The following XKR4 variants were observed in gnomAD, a reference collection of about 807,000 sequenced individuals.
XKR4 encodes XK-related protein 4.
Under a neutral mutation model 53.9 loss-of-function variants are expected in XKR4, and 12 were observed. The ratio of observed to expected loss-of-function variants is 0.22; its 90% CI spans 0.14 to 0.36. The LOEUF is 0.36. Ranked by LOEUF, XKR4 falls within the 10% of genes least tolerant of loss-of-function variation. The pLI is 1.00. For missense variants in XKR4, 799 were observed against 859.5 expected (o/e 0.93, Z 0.88); for synonymous variants, 354 against 362.4 (o/e 0.98, Z 0.26).
chr8:55,315,561 AG>A (rs1296232071), intron 1 of XKR4, among the ~76,000 whole-genome samples: 17 of 152,268 alleles, frequency 1.1e-4, no homozygotes, highest in African/African-American at 4.1e-4. Flanking sequence ...TGGGATGGTG[AG>A]GGAGAAGGAT....
At chr8:55,177,753 G>C (rs1817253882) in intron 1 of XKR4, among the ~76,000 whole-genome samples, 1 of 152,164 alleles carries the variant, frequency 6.6e-6, no homozygotes, top group African/African-American at 2.4e-5. Flanking sequence ...TGATTTTATA[G>C]CATGGCTATT....
intron 2 of XKR4, chr8:55,452,120 G>T: frequency 1.4e-6 from 1 of 691,554 alleles, no homozygotes. Flanking sequence ...AGGAGAAGGT[G>T]GCCCTGACAT....
At chr8:55,491,746 T>C (rs1219799098) in intron 2 of XKR4, among the ~76,000 whole-genome samples, 1 of 152,104 alleles carries the variant, frequency 6.6e-6, no homozygotes, top group Non-Finnish European at 1.5e-5. Flanking sequence ...TCCTCCCACC[T>C]CAGCCTCTTG....
chr8:55,495,438 C>T (rs1806328531), intron 2 of XKR4, among the ~76,000 whole-genome samples: 1 of 152,224 alleles, frequency 6.6e-6, no homozygotes, highest in South Asian at 2.1e-4. Context: ...GCATGAACCC[C>T]CAGCTGTGCT....
intron 1 of XKR4, among the ~76,000 whole-genome samples, chr8:55,340,998 G>GT (rs1803536558): frequency 6.6e-6 from 1 of 152,124 alleles, no homozygotes; most frequent in Non-Finnish European, 1.5e-5. Flanking sequence ...GAACCATTCT[G>GT]GGGTGTTTGA....
At chr8:55,475,768 A>C (rs1805974440) in intron 2 of XKR4, among the ~76,000 whole-genome samples, 1 of 151,488 alleles carries the variant, frequency 6.6e-6, no homozygotes, top group African/African-American at 2.4e-5. Context: ...ACGCCCAGCT[A>C]ATTTTTGTAT....
chr8:55,160,841 C>T (rs950665980), intron 1 of XKR4, among the ~76,000 whole-genome samples: 3 of 152,090 alleles, frequency 2.0e-5, no homozygotes, highest in African/African-American at 7.2e-5. Flanking sequence ...TCTGGTATAA[C>T]TGGAATTCAT....
At chr8:55,345,973 T>A (rs150506753) in intron 1 of XKR4, among the ~76,000 whole-genome samples, 243 of 151,968 alleles carry the variant, frequency 1.6e-3, no homozygotes, top group African/African-American at 5.6e-3. Context: ...ATATCTAGAG[T>A]AGTCAAATCC....
intron 2 of XKR4, among the ~76,000 whole-genome samples, chr8:55,474,977 G>A (rs1054577316): frequency 6.6e-5 from 10 of 152,096 alleles, no homozygotes; most frequent in African/African-American, 2.2e-4. Flanking sequence ...AAAGTCATTC[G>A]CTCTGTCTTC....
chr8:55,272,954 A>C (rs937814616), intron 1 of XKR4: 2 of 446,272 alleles, frequency 4.5e-6, no homozygotes, highest in Non-Finnish European at 8.9e-6. Context: ...CACTGCCTAC[A>C]TTGGAACAAT....
chr8:55,106,589 G>A (rs1334699792), intron 1 of XKR4, among the ~76,000 whole-genome samples: 1 of 152,098 alleles, frequency 6.6e-6, no homozygotes, highest in Non-Finnish European at 1.5e-5. Flanking sequence ...AATTCCCTAA[G>A]AGAACAGTTT....
intron 1 of XKR4, among the ~76,000 whole-genome samples, chr8:55,229,818 T>C (rs1818006683): frequency 6.6e-6 from 1 of 152,166 alleles, no homozygotes; most frequent in Non-Finnish European, 1.5e-5. Flanking sequence ...TTCTCACTTA[T>C]GCATCTACCA....
chr8:55,378,408 G>A (rs1804181479), intron 2 of XKR4, among the ~76,000 whole-genome samples: 1 of 152,142 alleles, frequency 6.6e-6, no homozygotes, highest in Non-Finnish European at 1.5e-5. Context: ...TATATTAAGA[G>A]CTATAAAATA....
At chr8:55,249,773 G>C (rs1818339873) in intron 1 of XKR4, among the ~76,000 whole-genome samples, 1 of 152,134 alleles carries the variant, frequency 6.6e-6, no homozygotes, top group Admixed American at 6.5e-5. Flanking sequence ...ATTTAGGATT[G>C]TCTAGTATTC....
intron 2 of XKR4, among the ~76,000 whole-genome samples, chr8:55,409,169 A>G (rs1384208337): frequency 6.6e-6 from 1 of 152,248 alleles, no homozygotes; most frequent in African/African-American, 2.4e-5. Flanking sequence ...ATTCTCAGGC[A>G]TAAAGCCAAA....
intron 2 of XKR4, among the ~76,000 whole-genome samples, chr8:55,440,605 A>G (rs894423787): frequency 3.3e-5 from 5 of 152,296 alleles, no homozygotes; most frequent in Middle Eastern, 3.4e-3. Flanking sequence ...AGCAGCAAAA[A>G]AAAATGGAAT....
At chr8:55,230,362 A>ATT (rs1171337887) in intron 1 of XKR4, among the ~76,000 whole-genome samples, 1 of 59,202 alleles carries the variant, frequency 1.7e-5, no homozygotes, top group Non-Finnish European at 4.4e-5. Flanking sequence ...AGAAAGAGAC[A>ATT]CTTTTTTTTT....
At chr8:55,296,964 C>T (rs1819110175) in intron 1 of XKR4, among the ~76,000 whole-genome samples, 1 of 151,954 alleles carries the variant, frequency 6.6e-6, no homozygotes, top group Non-Finnish European at 1.5e-5. Context: ...GTTGTGTGAC[C>T]CTGAACAAAA....
chr8:55,294,685 T>A (rs1819077253), intron 1 of XKR4, among the ~76,000 whole-genome samples: 1 of 152,258 alleles, frequency 6.6e-6, no homozygotes, highest in African/African-American at 2.4e-5. Context: ...ACCTGTTCCA[T>A]CTTTTTATCC....
Sources: gnomAD v4.1 joint callset for allele counts (sites outside exome capture counted in the v4.1 genomes callset) on GRCh38, gnomAD v4.1.1 for gene constraint, MANE v1.5 for transcripts, NCBI Gene and HGNC (gene_info 2026-07-23, HGNC 2026-07-21) for gene names.